The following MAGI2 variants were observed in gnomAD, a reference collection of about 807,000 sequenced individuals.
MAGI2 encodes the protein membrane-associated guanylate kinase, WW and PDZ domain-containing protein 2.
In MAGI2, 35 loss-of-function variants were observed where a neutral mutation model predicts 133.3. That is an observed-to-expected ratio of 0.26 (90% CI 0.20 to 0.35). The LOEUF (loss-of-function observed/expected upper bound fraction) is 0.35. MAGI2 is among the 10% of genes least tolerant of loss of function. MAGI2 has a pLI of 1.00. For synonymous variants in MAGI2, 729 were observed against 710.6 expected (o/e 1.03, Z -0.41); for missense variants, 1,636 against 1,863.4 (o/e 0.88, Z 2.25).
At chr7:79,255,673 C>A (rs141246242) in intron 1 of MAGI2, among the ~76,000 whole-genome samples, 33 of 152,008 alleles carry the variant, frequency 2.2e-4, no homozygotes, top group African/African-American at 7.0e-4. Flanking sequence ...GTGTGGAAAT[C>A]GAAGAATATT....
chr7:78,227,242 T>C (rs1789479522), intron 10 of MAGI2, among the ~76,000 whole-genome samples: 2 of 152,252 alleles, frequency 1.3e-5, no homozygotes, highest in Admixed American at 1.3e-4. Context: ...TTCTAACACA[T>C]GTTCTTGATA....
intron 10 of MAGI2, among the ~76,000 whole-genome samples, chr7:78,212,570 C>T (rs1285752929): frequency 6.6e-6 from 1 of 152,142 alleles, no homozygotes; most frequent in Non-Finnish European, 1.5e-5. Flanking sequence ...TTGATTTTAG[C>T]CCAGTGACAT....
At chr7:78,131,151 G>T (rs1426845082) in intron 18 of MAGI2, among the ~76,000 whole-genome samples, 3 of 152,228 alleles carry the variant, frequency 2.0e-5, no homozygotes, top group Non-Finnish European at 2.9e-5. Flanking sequence ...ATGAATTCTG[G>T]GGAAAGCCAG....
intron 3 of MAGI2, among the ~76,000 whole-genome samples, chr7:78,542,673 T>C (rs1425195613): frequency 3.3e-5 from 5 of 152,120 alleles, no homozygotes; most frequent in Non-Finnish European, 7.4e-5. Flanking sequence ...AAGGAGCATG[T>C]AGGCACCGAT....
chr7:79,096,592 G>A (rs73369328), intron 1 of MAGI2, among the ~76,000 whole-genome samples: 1,954 of 152,210 alleles, frequency 0.013, 45 homozygotes, highest in African/African-American at 0.044. Flanking sequence ...ATTTAGACCT[G>A]CCAATGTTAT....
At chr7:79,021,530 G>A (rs887650817) in intron 1 of MAGI2, among the ~76,000 whole-genome samples, 2 of 152,214 alleles carry the variant, frequency 1.3e-5, no homozygotes, top group African/African-American at 4.8e-5. Context: ...TTTAATGACT[G>A]CCCTATTGGA....
At chr7:78,232,239 T>C (rs913422267) in intron 10 of MAGI2, among the ~76,000 whole-genome samples, 1 of 152,240 alleles carries the variant, frequency 6.6e-6, no homozygotes, top group Non-Finnish European at 1.5e-5. Context: ...AGGAACAATG[T>C]AATCTTGCTT....
intron 21 of MAGI2, among the ~76,000 whole-genome samples, chr7:78,044,250 T>C (rs1759944295): frequency 2.0e-5 from 3 of 152,224 alleles, no homozygotes; most frequent in Admixed American, 6.5e-5. Flanking sequence ...TATTTCTAAG[T>C]AGACATATGG....
intron 1 of MAGI2, among the ~76,000 whole-genome samples, chr7:79,304,393 C>G (rs1837628893): frequency 6.8e-6 from 1 of 147,730 alleles, no homozygotes; most frequent in Non-Finnish European, 1.5e-5. Context: ...GAACATTGCT[C>G]CTTATATTAC....
chr7:79,081,161 C>T (rs1379757007), intron 1 of MAGI2, among the ~76,000 whole-genome samples: 1 of 152,080 alleles, frequency 6.6e-6, no homozygotes, highest in African/African-American at 2.4e-5. Flanking sequence ...GTATCAATCT[C>T]CTTCTAATCA....
At chr7:79,306,221 ATATATTTTATTTATATGTATATG>A (rs1189819287) in intron 1 of MAGI2, among the ~76,000 whole-genome samples, 4 of 146,346 alleles carry the variant, frequency 2.7e-5, no homozygotes, top group East Asian at 2.0e-4. Flanking sequence ...ATATGTGTAT[ATATATTTTATTTATATGTATATG>A]TATATTTTAT....
chr7:79,100,733 A>G (rs898922389), intron 1 of MAGI2, among the ~76,000 whole-genome samples: 1 of 151,606 alleles, frequency 6.6e-6, no homozygotes, highest in African/African-American at 2.4e-5. Context: ...TGAGCTGTTC[A>G]TGTTAATTTA....
intron 12 of MAGI2, among the ~76,000 whole-genome samples, chr7:78,187,994 C>T (rs887927439): frequency 2.6e-5 from 4 of 152,194 alleles, no homozygotes; most frequent in Middle Eastern, 3.4e-3. Context: ...TTTACTCCTC[C>T]CCCTGCCTTT....
chr7:79,127,648 TTG>T (rs1243988617), intron 1 of MAGI2, among the ~76,000 whole-genome samples: 1 of 152,172 alleles, frequency 6.6e-6, no homozygotes, highest in African/African-American at 2.4e-5. Context: ...ATGGGGTTGT[TTG>T]TCTTTTTCTT....
intron 11 of MAGI2, among the ~76,000 whole-genome samples, chr7:78,200,489 T>C (rs573450706): frequency 2.6e-5 from 4 of 152,264 alleles, no homozygotes; most frequent in African/African-American, 9.6e-5. Context: ...CTGAAGAAGA[T>C]TCAGAAGCAC....
intron 1 of MAGI2, among the ~76,000 whole-genome samples, chr7:79,153,578 A>G (rs1823479978): frequency 6.6e-6 from 1 of 152,152 alleles, no homozygotes; most frequent in Non-Finnish European, 1.5e-5. Flanking sequence ...AATGAAGTAA[A>G]AATGCATTCC....
intron 2 of MAGI2, among the ~76,000 whole-genome samples, chr7:78,972,938 T>TACACACACACACAC (rs3069435): frequency 1.6e-3 from 237 of 148,354 alleles, no homozygotes; most frequent in African/African-American, 5.6e-3. Context: ...TTGTTGCTTT[T>TACACACACACACAC]ACACACACAC....
At chr7:78,684,742 A>C (rs1585078002) in intron 2 of MAGI2, among the ~76,000 whole-genome samples, 1 of 151,660 alleles carries the variant, frequency 6.6e-6, no homozygotes, top group African/African-American at 2.4e-5. Flanking sequence ...AAAAAAAAGC[A>C]TTTTTTTTCT....
intron 21 of MAGI2, among the ~76,000 whole-genome samples, chr7:78,045,348 G>A (rs1269226899): frequency 8.6e-5 from 13 of 151,966 alleles, no homozygotes; most frequent in Admixed American, 2.0e-4. Flanking sequence ...CACTCATTTC[G>A]TCAAACACTG....
Sources: gnomAD v4.1 joint callset for allele counts (sites outside exome capture counted in the v4.1 genomes callset) on GRCh38, gnomAD v4.1.1 for gene constraint, MANE v1.5 for transcripts, NCBI Gene and HGNC (gene_info 2026-07-23, HGNC 2026-07-21) for gene names.